Variants in MEGF10 observed in about 807,000 individuals in gnomAD.
MEGF10 encodes multiple epidermal growth factor-like domains protein 10.
MEGF10 carries 86 observed loss-of-function variants against 147.5 expected under a neutral mutation model. The observed-to-expected ratio is 0.58, with a 90% CI of 0.49 to 0.70. The LOEUF is 0.70. Ranked by LOEUF, MEGF10 falls within the 30% of genes least tolerant of loss-of-function variation. The pLI is 0.00. For missense variants in MEGF10, 1,329 were observed against 1,487.3 expected, an observed-to-expected ratio of 0.89 and a Z score of 1.75; for synonymous variants, 478 against 525.5, an observed-to-expected ratio of 0.91 and a Z score of 1.24.
intron 1 of MEGF10, among the ~76,000 whole-genome samples, chr5:127,299,633 A>G (rs369730438): frequency 5.3e-5 from 8 of 152,130 alleles, no homozygotes; most frequent in African/African-American, 1.4e-4. Context: ...TACTCCCTTT[A>G]TGAAAAAGTA....
intron 4 of MEGF10, among the ~76,000 whole-genome samples, chr5:127,361,166 T>C (rs948184402): frequency 1.3e-5 from 2 of 151,988 alleles, no homozygotes; most frequent in East Asian, 1.9e-4. Flanking sequence ...ATTGAAACCA[T>C]CTGGAATTGG....
intron 7 of MEGF10, among the ~76,000 whole-genome samples, chr5:127,401,160 C>G (rs1416606567): frequency 6.6e-6 from 1 of 152,172 alleles, no homozygotes; most frequent in Non-Finnish European, 1.5e-5. Flanking sequence ...GACTGACCTT[C>G]AGTATGTTAT....
chr5:127,239,692 T>C, the MEGF10 span, among the ~76,000 whole-genome samples: 6 of 151,974 alleles, frequency 3.9e-5, no homozygotes, highest in African/African-American at 1.5e-4. Flanking sequence ...TAGGCCAGCA[T>C]TGATTGTTGT....
intron 1 of MEGF10, among the ~76,000 whole-genome samples, 197 bp from the exon 2 acceptor site, chr5:127,331,094 G>A (rs375396522): frequency 6.6e-6 from 1 of 152,164 alleles, no homozygotes; most frequent in African/African-American, 2.4e-5. Context: ...TTACAAAATA[G>A]TAGCCACCTT....
intron 5 of MEGF10, among the ~76,000 whole-genome samples, chr5:127,376,987 C>T (rs920929599): frequency 5.9e-5 from 9 of 152,098 alleles, no homozygotes; most frequent in Non-Finnish European, 8.8e-5. Context: ...GAGACAGGGG[C>T]AGATGACACC....
At chr5:127,371,879 T>C (rs1475726629) in intron 5 of MEGF10, among the ~76,000 whole-genome samples, 1 of 152,184 alleles carries the variant, frequency 6.6e-6, no homozygotes, top group African/African-American at 2.4e-5. Context: ...AAAGCACAAA[T>C]AAACATGAAC....
At chr5:127,396,916 G>A (rs1479604588) in intron 6 of MEGF10, 138 bp downstream of exon 6, 7 of 1,277,564 alleles carry the variant, frequency 5.5e-6, no homozygotes, top group African/African-American at 1.5e-5. Flanking sequence ...TGCAGGCACA[G>A]TTATAGAGGT....
At chr5:127,423,379 G>C (rs1159229376) in intron 13 of MEGF10, among the ~76,000 whole-genome samples, 5 of 152,152 alleles carry the variant, frequency 3.3e-5, no homozygotes, top group Non-Finnish European at 7.4e-5. Context: ...AGCTAAAAGT[G>C]ATACTGAAAG....
In MEGF10 at chr5:127,456,155, C is replaced by T. The variant is rs544211257; in HGVS notation, c.3232+548C>T. The stretch of plus-strand genomic sequence containing the variant: ...CATATTAGCTAATATATCTACTTAG[C>T]CGAAACAAATGGTTCAAGTGGATTA... On this transcript the variant is annotated intron_variant, in intron 24 of 24. Transcript: ENST00000503335. 2.0e-5 allele frequency among the ~76,000 whole-genome samples: 3 copies of T among 152,244 alleles called. No individual in the cohort carries two copies. The East Asian group carries it at 5.8e-4, about 29-fold the overall frequency.
At chr5:127,291,375 A>T (rs1266083738) in intron 1 of MEGF10, among the ~76,000 whole-genome samples, 3 of 152,186 alleles carry the variant, frequency 2.0e-5, no homozygotes, top group East Asian at 1.9e-4. Context: ...TTGCCGGGCG[A>T]TATAGCTGGA....
At chr5:127,351,398 A>T (rs886316588) in intron 4 of MEGF10, among the ~76,000 whole-genome samples, 1 of 151,986 alleles carries the variant, frequency 6.6e-6, no homozygotes, top group African/African-American at 2.4e-5. Flanking sequence ...TTGTAGACAT[A>T]TTTTCTTGTC....
At chr5:127,445,094 T>C (rs562421615) in intron 19 of MEGF10, among the ~76,000 whole-genome samples, 152 of 152,268 alleles carry the variant, frequency 1.0e-3, no homozygotes, top group African/African-American at 3.3e-3. Flanking sequence ...GAAAATCCTG[T>C]CTCTTTCTTT....
At chr5:127,257,937 A>G in the MEGF10 span, among the ~76,000 whole-genome samples, 53 of 152,330 alleles carry the variant, frequency 3.5e-4, no homozygotes, top group East Asian at 9.8e-3. Flanking sequence ...TTAAAAATTA[A>G]GATTTGTTTC....
At chr5:127,353,515 G>A (rs1381476060) in intron 4 of MEGF10, among the ~76,000 whole-genome samples, 4 of 152,222 alleles carry the variant, frequency 2.6e-5, no homozygotes, top group Admixed American at 6.5e-5. Flanking sequence ...TACATTCTCA[G>A]TCGGATGTTC....
At chr5:127,288,741 A>C (rs911109290), upstream of MEGF10, among the ~76,000 whole-genome samples, 7 of 152,210 alleles carry the variant, frequency 4.6e-5, no homozygotes, top group African/African-American at 7.2e-5. Context: ...TAAGAAAAAT[A>C]ATAATGTATG....
chr5:127,245,060 C>G, the MEGF10 span, among the ~76,000 whole-genome samples: 13 of 152,196 alleles, frequency 8.5e-5, no homozygotes, highest in East Asian at 1.7e-3. Flanking sequence ...AATGCTATCC[C>G]CATGAAGCTA....
At chr5:127,329,942 C>T (rs1016081502) in intron 1 of MEGF10, among the ~76,000 whole-genome samples, 10 of 152,140 alleles carry the variant, frequency 6.6e-5, no homozygotes, top group Non-Finnish European at 1.3e-4. Context: ...CCTAGCATAT[C>T]GTATGTGTTC....
chr5:127,429,688 A>T (rs546090134), intron 13 of MEGF10, among the ~76,000 whole-genome samples: 68 of 152,196 alleles, frequency 4.5e-4, no homozygotes, highest in African/African-American at 1.6e-3. Context: ...ATCTCTGCTG[A>T]CATTGACTTA....
At chr5:127,392,341 C>A (rs984103316) in intron 5 of MEGF10, among the ~76,000 whole-genome samples, 60 of 152,326 alleles carry the variant, frequency 3.9e-4, no homozygotes, top group South Asian at 3.1e-3. Flanking sequence ...ACCCAGACTT[C>A]CTACTTAACA....
Sources: gnomAD v4.1 joint callset for allele counts (sites outside exome capture counted in the v4.1 genomes callset) on GRCh38, gnomAD v4.1.1 for gene constraint, MANE v1.5 for transcripts, NCBI Gene and HGNC (gene_info 2026-07-23, HGNC 2026-07-21) for gene names.